The following DISC1 variants were observed in gnomAD, a reference collection of about 807,000 sequenced individuals.
DISC1 encodes the protein disrupted in schizophrenia 1 protein.
A neutral mutation model predicts 84.5 loss-of-function variants in DISC1; 57 were observed. The observed-to-expected ratio is 0.67, with a 90% CI of 0.55 to 0.84. DISC1 has a LOEUF of 0.84. Among genes scored for constraint, DISC1 ranks in the 40% least tolerant of loss-of-function variants. The pLI is 0.00. For missense variants in DISC1, 1,000 were observed against 1,057.8 expected (o/e 0.95, Z 0.76); for synonymous variants, 411 against 415.2 (o/e 0.99, Z 0.12).
intron 9 of DISC1, among the ~76,000 whole-genome samples, chr1:231,915,439 G>T (rs7541019): frequency 0.79 from 120,192 of 152,158 alleles, 47,814 homozygotes; most frequent in East Asian, 0.91. Context: ...CAGGGCCACG[G>T]CTAGCTGCAG....
At chr1:232,007,731 T>A (rs903122209) in intron 10 of DISC1, among the ~76,000 whole-genome samples, 4 of 152,124 alleles carry the variant, frequency 2.6e-5, no homozygotes, top group Non-Finnish European at 4.4e-5. Flanking sequence ...AAAGCATGAT[T>A]GGTTTTGAAA....
intron 9 of DISC1, among the ~76,000 whole-genome samples, chr1:231,876,059 G>A (rs1558680060): frequency 6.6e-6 from 1 of 152,140 alleles, no homozygotes; most frequent in African/African-American, 2.4e-5. Context: ...CACTCTGAAG[G>A]ACCCCCTCTG....
intron 9 of DISC1, among the ~76,000 whole-genome samples, chr1:231,855,698 G>T (rs546102874): frequency 6.6e-6 from 1 of 152,100 alleles, no homozygotes; most frequent in Non-Finnish European, 1.5e-5. Flanking sequence ...GACTTTAAGG[G>T]TGATTATATC....
intron 9 of DISC1, among the ~76,000 whole-genome samples, chr1:231,861,913 T>C (rs2084686686): frequency 6.6e-6 from 1 of 152,164 alleles, no homozygotes; most frequent in African/African-American, 2.4e-5. Context: ...ACCAATAGTG[T>C]GCTGTTAAAT....
At chr1:231,998,522 G>A (rs1422134975) in intron 10 of DISC1, among the ~76,000 whole-genome samples, 2 of 152,146 alleles carry the variant, frequency 1.3e-5, no homozygotes, top group East Asian at 3.8e-4. Context: ...AATTATTAAA[G>A]GATGAGAACT....
chr1:231,750,004 CAGCT>C lies in DISC1; in HGVS notation c.1197_1200del (p.Ala400LeufsTer33), dbSNP rs2074427941. 6.2e-7 allele frequency: 1 copy of C among 1,614,216 alleles called. No individual in the cohort carries two copies. On this transcript the variant is annotated frameshift_variant, in exon 4 of 13. Transcript: ENST00000439617. LOFTEE classifies it high-confidence loss of function. The stretch of plus-strand genomic sequence containing the variant: ...CACTTTCAACTTCCTTCAAGGCAGC[CAGCT>C]CTTAGCAGTTTCCTGGGTCACCTGG...
At chr1:231,774,176 C>A (rs1469393859) in intron 6 of DISC1, among the ~76,000 whole-genome samples, 1 of 152,018 alleles carries the variant, frequency 6.6e-6, no homozygotes, top group Non-Finnish European at 1.5e-5. Context: ...GTTGCTCAAG[C>A]CCTGGAGTTC....
chr1:231,763,785 C>G (rs201480247), intron 4 of DISC1, among the ~76,000 whole-genome samples: 173 of 152,308 alleles, frequency 1.1e-3, no homozygotes, highest in Non-Finnish European at 2.1e-3. Context: ...TCTGTTGATG[C>G]ATTTGTCTCT....
rs185310395 is a variant in DISC1, at chr1:232,024,065, A to G, written c.2308-2370A>G. Among the ~76,000 whole-genome samples the G allele has an allele frequency of 3.0e-3, 449 of 149,518 alleles. 3 individuals carry two copies. The highest frequency in any genetic ancestry group is 9.5e-3 in the African/African-American group (382 of 40,140). ...TATATGTATATATGTGTATGTGTGT[A>G]TATATATATATATTTATCTGTGATT... On this transcript the variant is annotated intron_variant, in intron 11 of 12. Coordinates refer to ENST00000439617, the MANE Select transcript of DISC1 (RefSeq NM_018662.3).
intron 7 of DISC1, among the ~76,000 whole-genome samples, chr1:231,796,639 A>G (rs867916613): frequency 6.6e-6 from 1 of 152,190 alleles, no homozygotes; most frequent in African/African-American, 2.4e-5. Context: ...ATGGGTAATT[A>G]TAACTTGTGT....
intron 9 of DISC1, among the ~76,000 whole-genome samples, chr1:231,935,100 C>T (rs2090899294): frequency 6.6e-6 from 1 of 152,164 alleles, no homozygotes; most frequent in Non-Finnish European, 1.5e-5. Flanking sequence ...CTTAATACAG[C>T]AGGATGATAC....
intron 1 of DISC1, among the ~76,000 whole-genome samples, chr1:231,664,073 TC>T (rs988884088): frequency 6.6e-6 from 1 of 151,700 alleles, no homozygotes; most frequent in African/African-American, 2.4e-5. Flanking sequence ...CATCCATCCA[TC>T]CATCCGTCTA....
chr1:231,793,141 A>G (rs370150597), intron 6 of DISC1, among the ~76,000 whole-genome samples: 170 of 152,328 alleles, frequency 1.1e-3, no homozygotes, highest in African/African-American at 3.9e-3. Flanking sequence ...TAGTTCTTAC[A>G]GTTGAAGAAC....
intron 9 of DISC1, among the ~76,000 whole-genome samples, chr1:231,896,914 A>G (rs1445597519): frequency 6.6e-6 from 1 of 152,232 alleles, no homozygotes; most frequent in Non-Finnish European, 1.5e-5. Context: ...CTGATGTGCA[A>G]GGTGACTGGC....
At chr1:231,799,950 C>A (rs1291365441) in intron 7 of DISC1, among the ~76,000 whole-genome samples, 158 bp from the exon 8 acceptor site, 2 of 3,280 alleles carry the variant, frequency 6.1e-4, no homozygotes, top group Non-Finnish European at 1.2e-3. Context: ...CTTTGTCTTT[C>A]TTTTTCCATT....
chr1:231,941,761 G>A (rs963616502), intron 9 of DISC1, among the ~76,000 whole-genome samples: 4 of 151,758 alleles, frequency 2.6e-5, no homozygotes, highest in Non-Finnish European at 4.4e-5. Flanking sequence ...GTGAGCCACC[G>A]CGCCTGGTCT....
chr1:231,734,238 G>T (rs1054709072), intron 3 of DISC1, among the ~76,000 whole-genome samples: 1 of 152,064 alleles, frequency 6.6e-6, no homozygotes, highest in Non-Finnish European at 1.5e-5. Context: ...AAATCTGAGG[G>T]TTTAATGAAA....
intron 8 of DISC1, among the ~76,000 whole-genome samples, chr1:231,817,707 T>C (rs774507251): frequency 1.3e-5 from 2 of 152,240 alleles, no homozygotes; most frequent in African/African-American, 2.4e-5. Flanking sequence ...AGACATAAGA[T>C]TGATGTTTGT....
intron 9 of DISC1, chr1:231,818,984 T>C (rs1040934180): frequency 3.6e-5 from 36 of 998,772 alleles, no homozygotes; most frequent in Non-Finnish European, 4.3e-5. Flanking sequence ...GGAAGGATGA[T>C]GTAGAAGATG....
Sources: gnomAD v4.1 joint callset for allele counts (sites outside exome capture counted in the v4.1 genomes callset) on GRCh38, gnomAD v4.1.1 for gene constraint, MANE v1.5 for transcripts, NCBI Gene and HGNC (gene_info 2026-07-23, HGNC 2026-07-21) for gene names.